Variants in SLC31A1 observed in about 807,000 individuals in gnomAD.
The protein encoded by SLC31A1 is solute carrier family 31 member 1.
Under a neutral mutation model 17.2 loss-of-function variants are expected in SLC31A1, and 5 were observed. The observed-to-expected ratio is 0.29, with a 90% CI of 0.15 to 0.61. The LOEUF (loss-of-function observed/expected upper bound fraction) is 0.61, where lower values mean the gene tolerates loss of function less well. Ranked by LOEUF, SLC31A1 falls within the 20% of genes least tolerant of loss-of-function variation. The pLI is 0.86. For missense variants in SLC31A1, 161 were observed against 241.4 expected, an observed-to-expected ratio of 0.67 and a Z score of 2.21; for synonymous variants, 76 against 78.8, an observed-to-expected ratio of 0.96 and a Z score of 0.19.
intron 1 of SLC31A1, among the ~76,000 whole-genome samples, chr9:113,250,314 G>A (rs1201612335): frequency 7.4e-6 from 1 of 136,034 alleles, no homozygotes; most frequent in Non-Finnish European, 1.6e-5. Context: ...TTAAGAAAAT[G>A]TGGCACATAT....
At chr9:113,253,301 T>C (rs979378234) in intron 1 of SLC31A1, among the ~76,000 whole-genome samples, 1 of 152,186 alleles carries the variant, frequency 6.6e-6, no homozygotes, top group Non-Finnish European at 1.5e-5. Context: ...TATCATAATT[T>C]ATGATCACTC....
chr9:113,226,353 A>C lies in SLC31A1; in HGVS notation c.-36+4675A>C, dbSNP rs534731002. ...GCTCTTAAATCCATTTTAAAAACTT[A>C]AAAGTTTTCTGTAGTTTTGTGACTT... On this transcript the variant is annotated intron_variant, in intron 1 of 4. Coordinates refer to ENST00000374212, the MANE Select transcript of SLC31A1 (RefSeq NM_001859.4). Among the ~76,000 whole-genome samples, 7 of 152,284 alleles carry C rather than the reference A, an allele frequency of 4.6e-5. No individual in the cohort carries two copies. In the East Asian group the frequency reaches 9.6e-4, roughly 21 times the overall value.
At chr9:113,222,501 C>G (rs1315995044) in intron 1 of SLC31A1, among the ~76,000 whole-genome samples, 1 of 152,162 alleles carries the variant, frequency 6.6e-6, no homozygotes, top group East Asian at 1.9e-4. Flanking sequence ...CAAGGTGTGG[C>G]TAAGGAGATA....
At chr9:113,235,201 G>T (rs1180021868) in intron 1 of SLC31A1, among the ~76,000 whole-genome samples, 2 of 152,024 alleles carry the variant, frequency 1.3e-5, no homozygotes, top group African/African-American at 4.8e-5. Flanking sequence ...CAAAAGAAAG[G>T]ATATCCAAAA....
At chr9:113,223,143 A>G in intron 1 of SLC31A1, 4 of 354,378 alleles carry the variant, frequency 1.1e-5, no homozygotes, top group South Asian at 8.6e-5. Context: ...TGGATGTTTA[A>G]GTAGCTTTTG....
At chr9:113,238,564 C>A (rs7046035) in intron 1 of SLC31A1, among the ~76,000 whole-genome samples, 22,453 of 152,150 alleles carry the variant, frequency 0.15, 1,942 homozygotes, top group East Asian at 0.34. Context: ...GAGCTCAAGA[C>A]CAGCCTGGCC....
chr9:113,253,819 C>T (rs930843305), intron 1 of SLC31A1, among the ~76,000 whole-genome samples: 4 of 151,946 alleles, frequency 2.6e-5, no homozygotes, highest in African/African-American at 7.3e-5. Context: ...ATTATGCCTA[C>T]CTGATGCTTT....
intron 1 of SLC31A1, among the ~76,000 whole-genome samples, chr9:113,246,881 T>C (rs1587993067): frequency 6.8e-6 from 1 of 146,612 alleles, no homozygotes. Flanking sequence ...CTCAAGTGAT[T>C]CACCTGCCTC....
At chr9:113,257,549 T>C (rs939063171) in intron 3 of SLC31A1, among the ~76,000 whole-genome samples, 1 of 148,466 alleles carries the variant, frequency 6.7e-6, no homozygotes, top group South Asian at 2.2e-4. Context: ...CAATGGCAGC[T>C]ATCTTGGCTC....
At chr9:113,259,204 T>C (rs1181442210) in intron 4 of SLC31A1, among the ~76,000 whole-genome samples, 1 of 152,210 alleles carries the variant, frequency 6.6e-6, no homozygotes, top group Non-Finnish European at 1.5e-5. Context: ...TTGCAGTTGA[T>C]TCTATAAAGT....
chr9:113,224,858 A>G (rs933262610), intron 1 of SLC31A1, among the ~76,000 whole-genome samples: 4 of 152,216 alleles, frequency 2.6e-5, no homozygotes, highest in African/African-American at 9.6e-5. Context: ...GCCACTTATT[A>G]GTTGTATAGG....
At chr9:113,253,779 T>C (rs919424536) in intron 1 of SLC31A1, among the ~76,000 whole-genome samples, 2 of 151,922 alleles carry the variant, frequency 1.3e-5, no homozygotes, top group Non-Finnish European at 2.9e-5. Context: ...TATAAAATAA[T>C]GTAGTGTCTG....
intron 1 of SLC31A1, among the ~76,000 whole-genome samples, chr9:113,225,673 T>G (rs1831332050): frequency 6.6e-6 from 1 of 152,204 alleles, no homozygotes; most frequent in African/African-American, 2.4e-5. Flanking sequence ...GTTTTGAAAG[T>G]AGATACCATA....
rs552556686 is a variant in SLC31A1 at position 113,236,098 on chromosome 9, G to C, written c.-36+14420G>C. 4.0e-5 allele frequency among the ~76,000 whole-genome samples: 6 copies of C among 151,896 alleles called. No individual in the cohort carries two copies. The East Asian group carries it at 1.2e-3, about 30-fold the overall frequency. ...TGCCTCCCAAGTTCAAGCAATTCTC[G>C]TGCCTCAGCTTCCTGAGTTGCTGGA... On this transcript the variant is annotated intron_variant, in intron 1 of 4. Coordinates refer to ENST00000374212, the MANE Select transcript of SLC31A1 (RefSeq NM_001859.4).
chr9:113,228,927 A>G (rs750925593), intron 1 of SLC31A1, among the ~76,000 whole-genome samples: 8 of 149,862 alleles, frequency 5.3e-5, no homozygotes, highest in African/African-American at 7.4e-5. Context: ...GCTCATTGCA[A>G]CCTCTGCCTC....
intron 1 of SLC31A1, among the ~76,000 whole-genome samples, chr9:113,248,097 T>A (rs1831603128): frequency 6.6e-6 from 1 of 152,150 alleles, no homozygotes; most frequent in Non-Finnish European, 1.5e-5. Context: ...GGCAGGCAGA[T>A]CACCTGAGGT....
intron 3 of SLC31A1, among the ~76,000 whole-genome samples, chr9:113,257,942 A>C (rs1831746511): frequency 6.6e-6 from 1 of 152,234 alleles, no homozygotes; most frequent in Admixed American, 6.5e-5. Flanking sequence ...CATCAATCAT[A>C]GAGTTAATAT....
At chr9:113,243,982 C>T (rs922760199) in intron 1 of SLC31A1, among the ~76,000 whole-genome samples, 16 of 151,828 alleles carry the variant, frequency 1.1e-4, no homozygotes, top group African/African-American at 3.6e-4. Context: ...GGTGAAACCT[C>T]GTCTCTACTA....
At position 113,258,903 on chromosome 9, in the gene SLC31A1, G is replaced by A. The variant is rs2233917; in HGVS notation, c.371+41G>A. On this transcript the variant is annotated intron_variant, in intron 4 of 4. Coordinates refer to ENST00000374212, the MANE Select transcript of SLC31A1 (RefSeq NM_001859.4). This position sits in a 1 kb window ranked among gnomAD's most constrained non-coding sequence, Gnocchi z 4.8. The stretch of plus-strand genomic sequence containing the variant: ...ATCCAGATGAAGTCCTAAAGAACTC[G>A]ATCAGTTAAGCAGCAAAGCGCAGCT... The A allele has an allele frequency of 2.6e-3, 4,101 of 1,600,214 alleles. 102 individuals are homozygous for A. The African/African-American group carries it at 0.048, about 19-fold the overall frequency.
Sources: gnomAD v4.1 joint callset for allele counts (sites outside exome capture counted in the v4.1 genomes callset) on GRCh38, gnomAD v4.1.1 for gene constraint, Gnocchi (gnomAD v3.1) non-coding constraint, MANE v1.5 for transcripts, NCBI Gene and HGNC (gene_info 2026-07-23, HGNC 2026-07-21) for gene names.